Variants in CCSER1 observed in about 807,000 individuals in gnomAD.
CCSER1 encodes serine-rich coiled-coil domain-containing protein 1.
Under a neutral mutation model 82.0 loss-of-function variants are expected in CCSER1, and 41 were observed. The observed-to-expected ratio is 0.50, with a 90% CI of 0.39 to 0.65. CCSER1 has a LOEUF of 0.65. CCSER1 is among the 30% of genes least tolerant of loss of function. CCSER1 has a pLI of 0.00. For synonymous variants in CCSER1, 414 were observed against 383.9 expected, an observed-to-expected ratio of 1.08 and a Z score of -0.92; for missense variants, 1,119 against 1,064.2, an observed-to-expected ratio of 1.05 and a Z score of -0.72.
intron 7 of CCSER1, among the ~76,000 whole-genome samples, chr4:90,775,326 C>T (rs949844794): frequency 6.6e-6 from 1 of 152,006 alleles, no homozygotes. Flanking sequence ...TTGTGAGGTG[C>T]CTGATCAAAC....
intron 8 of CCSER1, among the ~76,000 whole-genome samples, chr4:90,820,721 A>G (rs898377935): frequency 6.7e-6 from 1 of 149,596 alleles, no homozygotes; most frequent in East Asian, 2.0e-4. Context: ...ATTTATATTT[A>G]TATAACTGTA....
intron 8 of CCSER1, among the ~76,000 whole-genome samples, chr4:90,864,870 A>G (rs1171409663): frequency 1.3e-5 from 2 of 152,014 alleles, no homozygotes. Context: ...AAATATCACC[A>G]ATATCTTTTC....
chr4:90,250,413 A>G (rs1009160044), intron 1 of CCSER1, among the ~76,000 whole-genome samples: 5 of 152,066 alleles, frequency 3.3e-5, no homozygotes, highest in Non-Finnish European at 5.9e-5. Context: ...GAGTGCAGGA[A>G]AAGAAGTTAA....
chr4:91,345,791 T>C (rs1206230717), intron 10 of CCSER1, among the ~76,000 whole-genome samples: 1 of 152,160 alleles, frequency 6.6e-6, no homozygotes, highest in Non-Finnish European at 1.5e-5. Flanking sequence ...GAGTATTATG[T>C]AGGACAGTTT....
At chr4:90,368,769 C>G (rs1746779477) in intron 3 of CCSER1, among the ~76,000 whole-genome samples, 1 of 146,764 alleles carries the variant, frequency 6.8e-6, no homozygotes, top group South Asian at 2.1e-4. Flanking sequence ...TATAAATACG[C>G]ACACACACAC....
At chr4:90,196,376 C>T (rs1352252840) in intron 1 of CCSER1, among the ~76,000 whole-genome samples, 16 of 152,030 alleles carry the variant, frequency 1.1e-4, no homozygotes, top group African/African-American at 2.4e-5. Context: ...TACTGATTGA[C>T]AGCCTTTATC....
chr4:91,196,358 T>C (rs1735436248), intron 10 of CCSER1, among the ~76,000 whole-genome samples: 1 of 152,142 alleles, frequency 6.6e-6, no homozygotes, highest in Non-Finnish European at 1.5e-5. Context: ...TTATAGTTGA[T>C]GTATTCAATA....
At chr4:90,527,174 G>C (rs527754993) in intron 5 of CCSER1, among the ~76,000 whole-genome samples, 3 of 152,164 alleles carry the variant, frequency 2.0e-5, no homozygotes, top group African/African-American at 7.2e-5. Context: ...CTACAGAATG[G>C]GAGAAAATTT....
At chr4:90,845,120 T>TG (rs1561236443) in intron 8 of CCSER1, among the ~76,000 whole-genome samples, 1 of 152,096 alleles carries the variant, frequency 6.6e-6, no homozygotes, top group South Asian at 2.1e-4. Flanking sequence ...CCCAACACTC[T>TG]GGGGGGCCGA....
intron 6 of CCSER1, among the ~76,000 whole-genome samples, chr4:90,644,073 C>T (rs536299429): frequency 6.6e-6 from 1 of 152,236 alleles, no homozygotes; most frequent in Admixed American, 6.5e-5. Flanking sequence ...GGGCCTTGAG[C>T]CTCACGTTTG....
chr4:91,288,161 T>TAC (rs1245321192), intron 10 of CCSER1, among the ~76,000 whole-genome samples: 6 of 119,322 alleles, frequency 5.0e-5, no homozygotes, highest in Admixed American at 1.7e-4. Context: ...TATATATATA[T>TAC]ACATACACAC....
chr4:91,254,654 A>G (rs993088754), intron 10 of CCSER1, among the ~76,000 whole-genome samples: 5 of 152,154 alleles, frequency 3.3e-5, no homozygotes, highest in African/African-American at 1.2e-4. Context: ...TGTATTTAAT[A>G]GCACTGAACT....
chr4:91,388,041 T>G (rs2149346286), intron 10 of CCSER1, among the ~76,000 whole-genome samples: 1 of 152,240 alleles, frequency 6.6e-6, no homozygotes, highest in African/African-American at 2.4e-5. Context: ...ATATGTTTTC[T>G]TAACTAGAGA....
intron 3 of CCSER1, among the ~76,000 whole-genome samples, chr4:90,372,632 C>A (rs1747637490): frequency 6.6e-6 from 1 of 152,064 alleles, no homozygotes; most frequent in Non-Finnish European, 1.5e-5. Context: ...CACCTGTAAT[C>A]CTAGCTACTC....
At chr4:91,541,734 T>C (rs1761610701) in intron 10 of CCSER1, among the ~76,000 whole-genome samples, 2 of 152,246 alleles carry the variant, frequency 1.3e-5, no homozygotes, top group South Asian at 2.1e-4. Context: ...ATCCTTTGGG[T>C]ATATACCCCG....
chr4:90,463,960 T>G (rs953995492), intron 4 of CCSER1, among the ~76,000 whole-genome samples: 1 of 152,114 alleles, frequency 6.6e-6, no homozygotes, highest in African/African-American at 2.4e-5. Context: ...AGAAATTCAG[T>G]TATTAAATAA....
intron 10 of CCSER1, among the ~76,000 whole-genome samples, chr4:91,148,550 A>G (rs978903215): frequency 1.3e-5 from 2 of 152,098 alleles, no homozygotes; most frequent in African/African-American, 2.4e-5. Context: ...TTTGTTACAT[A>G]TGTATACATA....
intron 6 of CCSER1, among the ~76,000 whole-genome samples, chr4:90,669,260 C>A (rs1732358402): frequency 1.3e-5 from 2 of 151,982 alleles, no homozygotes. Flanking sequence ...ACAATAATTG[C>A]ATTTTTCTCT....
chr4:91,458,217 A>G (rs904178462), intron 10 of CCSER1, among the ~76,000 whole-genome samples: 1 of 151,992 alleles, frequency 6.6e-6, no homozygotes, highest in Admixed American at 6.6e-5. Flanking sequence ...CTGCATATGG[A>G]TGTCTAATTT....
Sources: gnomAD v4.1 joint callset for allele counts (sites outside exome capture counted in the v4.1 genomes callset) on GRCh38, gnomAD v4.1.1 for gene constraint, MANE v1.5 for transcripts, NCBI Gene and HGNC (gene_info 2026-07-23, HGNC 2026-07-21) for gene names.